Variants in HYI observed in about 807,000 individuals in gnomAD.
HYI encodes hydroxypyruvate isomerase (putative), also known as putative hydroxypyruvate isomerase.
Under a neutral mutation model 39.7 loss-of-function variants are expected in HYI, and 47 were observed. That is an observed-to-expected ratio of 1.18 (90% CI 0.94 to 1.51). HYI has a LOEUF of 1.51. HYI is among the 40% of genes most tolerant of loss of function. The pLI, the probability that HYI is intolerant of heterozygous loss-of-function variation, is 0.00. For synonymous variants in HYI, 186 were observed against 158.8 expected (o/e 1.17, Z -1.29); for missense variants, 465 against 370.3 (o/e 1.26, Z -2.10).
At chr1:43,452,827 C>A in intron 2 of HYI, 1 of 1,465,998 alleles carries the variant, frequency 6.8e-7, no homozygotes, top group Admixed American at 2.0e-5. Context: ...CCACCTCCTC[C>A]CATCATCCCC....
chr1:43,452,955 C>G, intron 2 of HYI: 1 of 1,609,702 alleles, frequency 6.2e-7, no homozygotes, highest in Non-Finnish European at 8.5e-7. Context: ...CTTGCCACAG[C>G]ACCCTTGCAA....
Position 43,451,409 on chromosome 1 carries a change from C to T in HYI, c.760+1G>A, listed in dbSNP as rs767293920. The T allele has an allele frequency of 3.1e-6, 5 of 1,612,458 alleles. No individual in the cohort carries two copies. The highest frequency in any genetic ancestry group is 1.7e-5 in the Admixed American group (1 of 60,034). ...CTCCCTTCCCCAGGGCCACGCCTCA[C>T]CTCGAGGCTGATACTCACAGCCCAC... On this transcript the variant is annotated splice_donor_variant, in intron 7 of 7. Transcript: ENST00000372430. LOFTEE classifies it high-confidence loss of function.
chr1:43,452,717 C>G (rs944604989), intron 2 of HYI: 2 of 627,258 alleles, frequency 3.2e-6, no homozygotes, highest in Non-Finnish European at 5.6e-6. Flanking sequence ...TGTTTTCTGC[C>G]CCCACCATTG....
chr1:43,452,945 C>G, intron 2 of HYI: 1 of 1,609,452 alleles, frequency 6.2e-7, no homozygotes, highest in Non-Finnish European at 8.5e-7. Context: ...CAGGCCTCCT[C>G]TTGCCACAGC....
chr1:43,451,521 G>C lies in HYI; in HGVS notation c.649C>G (p.Pro217Ala). The C allele has an allele frequency of 6.2e-7, 1 of 1,614,092 alleles. No homozygotes were observed. Residue 217 changes from proline (P) to alanine (A), a missense_variant, in exon 7 of 8, where the codon CCA (proline) becomes GCA (alanine). By Grantham distance (27) the Pro-to-Ala change is conservative. Coordinates refer to ENST00000372430, the MANE Select transcript of HYI (RefSeq NM_001190880.3). ...GGGCTGCTGGGCTCCCCTCGGCCTG[G>C]GACCTGTGCCACCTGCACATGCCCT... The part of the protein sequence containing the change: ...IVGHVQVAQV[P>A]GRGEPSSPGE...
rs376730330 is a variant in HYI at position 43,451,813 on chromosome 1, G to A, written c.540C>T (p.Asn180=). The A allele has an allele frequency of 1.9e-5, 30 of 1,614,104 alleles. No homozygotes were observed. The East Asian group carries it at 2.5e-4, about 13-fold the overall frequency. The change falls in exon 5 of 8, where the codon AAC becomes AAT. Residue 180 remains asparagine (N), a synonymous_variant. Coordinates refer to ENST00000372430, the MANE Select transcript of HYI (RefSeq NM_001190880.3). The stretch of plus-strand genomic sequence containing the variant: ...TTCCACTTACCATTTGTAATTGGAG[G>A]TTGGGTCTTCCTACCTTCTGTAAGA... The part of the protein sequence containing the change: ...AAILQKVGRP[N]LQLQMDIFHW...
Position 43,453,437 on chromosome 1 carries a change from C to T in HYI, c.260G>A (p.Arg87Gln), listed in dbSNP as rs1451796018. 1.9e-6 allele frequency: 3 copies of T among 1,563,246 alleles called. No homozygotes were observed. Among genetic ancestry groups the T allele is most frequent in the African/African-American group, 1.4e-5 (1 of 73,372 alleles). ...CCGCACGGCCTGCTCCAGTCCCTCT[C>T]GGAAGGCCGCCTGTCTCCCGGGGAC... The part of the protein sequence containing the change: ...GAVPGRQAAF[R>Q]EGLEQAVRYA... The change falls in exon 2 of 8, where the codon CGA becomes CAA. Residue 87 changes from arginine (R) to glutamine (Q), a missense_variant. Physicochemically the swap from Arg to Gln is conservative, Grantham distance 43 (BLOSUM62 1). Coordinates refer to ENST00000372430, the MANE Select transcript of HYI (RefSeq NM_001190880.3).
In HYI at chr1:43,451,302, A is replaced by AC; in HGVS notation, c.769dup (p.Val257GlyfsTer13). The AC allele has an allele frequency of 6.2e-7, 1 of 1,613,850 alleles. No individual in the cohort carries two copies. Among genetic ancestry groups the AC allele is most frequent in the East Asian group, 2.2e-5 (1 of 44,866 alleles). On this transcript the variant is annotated frameshift_variant, in exon 8 of 8. Transcript: ENST00000372430. LOFTEE classifies it high-confidence loss of function. ...TGAACGTAGCCAACTCAAGCCCTCTACTGTGTCTCCTGCAGGGAGAGGGAG... is the reference window on the plus strand; with the variant it reads ...TGAACGTAGCCAACTCAAGCCCTCTACCTGTGTCTCCTGCAGGGAGAGGGAG...
intron 2 of HYI, chr1:43,453,159 G>C (rs188259718): frequency 3.0e-6 from 2 of 661,762 alleles, no homozygotes; most frequent in Admixed American, 4.6e-5. Flanking sequence ...GGCAGACTGA[G>C]CTCCCAGCAT....
In HYI at chr1:43,452,755, C is replaced by T. The variant is rs2153938325; in HGVS notation, c.312-436G>A. On this transcript the variant is annotated intron_variant, in intron 2 of 7. Transcript: ENST00000372430. ...CAGTAGTGATCCCCTCTTGCCAGTTCCTTCTGAGCCTGTTTGGCCTCTGCA... is the reference window on the plus strand; with the variant it reads ...CAGTAGTGATCCCCTCTTGCCAGTTTCTTCTGAGCCTGTTTGGCCTCTGCA... 1.3e-5 allele frequency: 10 copies of T among 765,154 alleles called. No individual in the cohort carries two copies. In the South Asian group the frequency reaches 1.7e-4, roughly 13 times the overall value. 47.4% of individuals were successfully genotyped at this position (765,154 alleles called of 1,614,324 possible).
rs1466843913 is a variant in HYI at position 43,453,801 on chromosome 1, G to GAGGCC, written c.-13_-9dup. On this transcript the variant is annotated 5_prime_UTR_variant, in exon 1 of 8. Coordinates refer to ENST00000372430, the MANE Select transcript of HYI (RefSeq NM_001190880.3). ...GAAGCGCAGCGGCGCCATGCCTGGG[G>GAGGCC]AGGCCGGGCCGGGCGGAGTCCGCGG... The GAGGCC allele has an allele frequency of 3.2e-6, 4 of 1,264,110 alleles. No individual in the cohort carries two copies. The highest frequency in any genetic ancestry group is 3.1e-5 in the South Asian group (1 of 32,262). The allele number at this position is 1,264,110 out of a possible 1,614,324, so 78.3% of individuals were successfully genotyped here.
intron 2 of HYI, chr1:43,453,068 G>T: frequency 1.0e-6 from 1 of 956,890 alleles, no homozygotes; most frequent in Non-Finnish European, 1.7e-6. Context: ...AGGGTTAGGT[G>T]CCTACCCTGC....
chr1:43,453,858 C>T lies in HYI; in HGVS notation c.-65G>A. 3.2e-6 allele frequency: 3 copies of T among 932,818 alleles called. No individual in the cohort carries two copies. The highest frequency in any genetic ancestry group is 4.1e-6 in the Non-Finnish European group (3 of 727,478). The allele number at this position is 932,818 out of a possible 1,614,324, so 57.8% of individuals were successfully genotyped here. ...AAGGCGGCGGGCGGCGGGCGGCGGG[C>T]GGCGGGCGGGGGCGGGGCTCTCCTT... On this transcript the variant is annotated 5_prime_UTR_variant, in exon 1 of 8. Coordinates refer to ENST00000372430, the MANE Select transcript of HYI (RefSeq NM_001190880.3).
intron 2 of HYI, chr1:43,452,973 T>A: frequency 1.2e-6 from 2 of 1,608,048 alleles, no homozygotes; most frequent in Non-Finnish European, 1.7e-6. Context: ...CAAGGAACAC[T>A]CAACTTCCTG....
chr1:43,453,679 A>G lies in HYI; in HGVS notation c.115T>C (p.Trp39Arg). The stretch of plus-strand genomic sequence containing the variant: ...GCCTCAGGCGTCTCCGCGTACGGCC[A>G]GGCCACCTCGACGGCCTCGAAGCCC... ...SSGFEAVEVA[W>R]PYAETPEALA... The change falls in exon 1 of 8, where the codon TGG becomes CGG. Residue 39 changes from tryptophan (W) to arginine (R), a missense_variant. Trp to Arg is a moderately radical substitution (Grantham distance 101). Coordinates refer to ENST00000372430, the MANE Select transcript of HYI (RefSeq NM_001190880.3). 1 of 1,463,922 alleles carries G rather than the reference A, an allele frequency of 6.8e-7. No homozygotes were observed. The highest frequency in any genetic ancestry group is 1.3e-5 in the South Asian group (1 of 75,408). 90.7% of individuals were successfully genotyped at this position (1,463,922 alleles called of 1,614,324 possible). A position where few individuals can be genotyped will look rare whatever the true frequency, so the allele number is the denominator to read the frequency against.
downstream of HYI, chr1:43,450,665 C>A: frequency 1.1e-6 from 1 of 881,272 alleles, no homozygotes. This position sits in a 1 kb window ranked among gnomAD's most constrained non-coding sequence, Gnocchi z 4.3. Context: ...GAACCGCCCT[C>A]CCCAAACACC....
chr1:43,451,633 G>C lies in HYI; in HGVS notation c.625+15C>G, dbSNP rs75547379. On this transcript the variant is annotated intron_variant, in intron 6 of 7. Transcript: ENST00000372430. ...GGGATTGAAAGGGTGGGAGGGCAAA[G>C]GAAGGTCCTCTCACCAACAATGGGC... The C allele has an allele frequency of 3.1e-3, 5,004 of 1,614,068 alleles. 40 individuals carry two copies. The highest frequency in any genetic ancestry group is 2.5e-3 in the Non-Finnish European group (2,933 of 1,179,948).
At chr1:43,453,238 A>C in intron 2 of HYI, 148 bp downstream of exon 2, 1 of 645,944 alleles carries the variant, frequency 1.5e-6, no homozygotes, top group Non-Finnish European at 2.7e-6. Context: ...AAAATACAAA[A>C]GGCAATTTAC....
Position 43,451,080 on chromosome 1 carries a change from T to C in HYI, c.*158A>G, listed in dbSNP as rs777901277. ...AGCAACCCTGGCACTGGCTTCTCAATGGGAGGGAAGCAGCAGAGAAACTGA... is the reference window on the plus strand; with the variant it reads ...AGCAACCCTGGCACTGGCTTCTCAACGGGAGGGAAGCAGCAGAGAAACTGA... On this transcript the variant is annotated 3_prime_UTR_variant, in exon 8 of 8. Coordinates refer to ENST00000372430, the MANE Select transcript of HYI (RefSeq NM_001190880.3). 19 of 831,000 alleles carry C rather than the reference T, an allele frequency of 2.3e-5. No homozygotes were observed. The highest frequency in any genetic ancestry group is 2.7e-5 in the South Asian group (2 of 74,794). 51.5% of individuals were successfully genotyped at this position (831,000 alleles called of 1,614,324 possible).
Sources: gnomAD v4.1 joint callset for allele counts on GRCh38, gnomAD v4.1.1 for gene constraint, Gnocchi (gnomAD v3.1) non-coding constraint, MANE v1.5 for transcripts, NCBI Gene and HGNC (gene_info 2026-07-23, HGNC 2026-07-21) for gene names.